The following AARS1 variants were observed in gnomAD, a reference collection of about 807,000 sequenced individuals.
AARS1 encodes alanyl-tRNA synthetase 1.
In AARS1, 72 loss-of-function variants were observed where a neutral mutation model predicts 108.9. That is an observed-to-expected ratio of 0.66 (90% CI 0.55 to 0.80). The LOEUF (loss-of-function observed/expected upper bound fraction) is 0.80. AARS1 is among the 30% of genes least tolerant of loss of function. The pLI, the probability that AARS1 is intolerant of heterozygous loss-of-function variation, is 0.00. For missense variants in AARS1, 1,193 were observed against 1,233.2 expected (o/e 0.97, Z 0.49); for synonymous variants, 489 against 465.7 (o/e 1.05, Z -0.64).
chr16:70,280,055 ATT>A (rs1237522918), intron 2 of AARS1, among the ~76,000 whole-genome samples: 4 of 151,130 alleles, frequency 2.6e-5, no homozygotes, highest in African/African-American at 9.7e-5. Context: ...TAATTTTTCA[ATT>A]TTTCTTTTGC....
At chr16:70,279,675 A>AAC (rs561670755) in intron 2 of AARS1, among the ~76,000 whole-genome samples, 15 of 134,352 alleles carry the variant, frequency 1.1e-4, no homozygotes, top group Admixed American at 2.2e-4. Context: ...AAAAACAAAA[A>AAC]AAAAAAAAAA....
chr16:70,259,742 T>C (rs1384001741), intron 13 of AARS1, among the ~76,000 whole-genome samples: 1 of 151,892 alleles, frequency 6.6e-6, no homozygotes, highest in East Asian at 1.9e-4. Flanking sequence ...CACCTCAGCC[T>C]CCCCAAATGT....
intron 1 of AARS1, among the ~76,000 whole-genome samples, chr16:70,285,128 C>G (rs1268887706): frequency 6.6e-6 from 1 of 151,686 alleles, no homozygotes; most frequent in African/African-American, 2.4e-5. Context: ...ACTCAGAAGG[C>G]TGAGATGGGA....
intron 7 of AARS1, 52 bp downstream of exon 7, chr16:70,269,566 C>T (rs1960347422): frequency 1.9e-6 from 3 of 1,608,670 alleles, no homozygotes; most frequent in Non-Finnish European, 2.5e-6. Flanking sequence ...AAGAGTCACA[C>T]ATAGCACACG....
intron 1 of AARS1, among the ~76,000 whole-genome samples, chr16:70,287,585 T>G (rs1960881925): frequency 6.6e-6 from 1 of 150,652 alleles, no homozygotes. Flanking sequence ...AGGTCAATTT[T>G]TTTTTTAATT....
intron 1 of AARS1, among the ~76,000 whole-genome samples, chr16:70,288,738 TG>T (rs1555543642): frequency 6.6e-6 from 1 of 151,910 alleles, no homozygotes; most frequent in Non-Finnish European, 1.5e-5. Context: ...GGCTAATTTT[TG>T]TATTTTTAGT....
rs113142906 is a variant in AARS1 at position 70,264,731 on chromosome 16, A to ATT, written c.1492+225_1492+226dup. On this transcript the variant is annotated intron_variant, in intron 11 of 20. Transcript: ENST00000261772. Reference sequence around the variant, plus strand: ...AAAGGGTGTGAGACCCTTCCTACAAATTTTTTTTTTTTACAACTTCCTGTG... The same window carrying ATT: ...AAAGGGTGTGAGACCCTTCCTACAAATTTTTTTTTTTTTTACAACTTCCTGTG... Among the ~76,000 whole-genome samples, 546 of 147,814 alleles carry ATT rather than the reference A, an allele frequency of 3.7e-3. 2 individuals carry two copies. The highest frequency in any genetic ancestry group is 0.012 in the African/African-American group (488 of 40,684).
Position 70,262,395 on chromosome 16 carries a change from T to C in AARS1, c.1622A>G (p.Gln541Arg), listed in dbSNP as rs1232971154. The C allele has an allele frequency of 1.2e-6, 2 of 1,614,206 alleles. No individual in the cohort carries two copies. Among genetic ancestry groups the C allele is most frequent in the Admixed American group, 1.7e-5 (1 of 60,022 alleles). ...KTCFYAEQGGQIYDEGYLVKV... is the reference protein window; with the variant it reads ...KTCFYAEQGGRIYDEGYLVKV... Reference sequence around the variant, plus strand: ...CACCAGGTAGCCTTCGTCATAGATCTGGCCTCCTTGCTCAGCATAGAAACA... The same window carrying C: ...CACCAGGTAGCCTTCGTCATAGATCCGGCCTCCTTGCTCAGCATAGAAACA... Residue 541 changes from glutamine to arginine, a missense_variant, in exon 12 of 21, where the codon CAG becomes CGG. Transcript: ENST00000261772.
At chr16:70,256,830 T>C (rs1220192656) in intron 15 of AARS1, among the ~76,000 whole-genome samples, 2 of 152,010 alleles carry the variant, frequency 1.3e-5, no homozygotes, top group African/African-American at 2.4e-5. Flanking sequence ...GAATGTTCTT[T>C]TCAGCCGGGC....
chr16:70,254,432 C>T, intron 17 of AARS1, 189 bp downstream of exon 17: 2 of 632,092 alleles, frequency 3.2e-6, no homozygotes, highest in Non-Finnish European at 5.7e-6. Context: ...CTGGGAGCAG[C>T]AGGGAATGTC....
At chr16:70,267,597 G>C (rs1960292552) in intron 9 of AARS1, 62 bp downstream of exon 9, 2 of 1,599,790 alleles carry the variant, frequency 1.3e-6, no homozygotes, top group Non-Finnish European at 8.6e-7. Flanking sequence ...TGTCAGAAAG[G>C]GCTTGTCTTT....
At chr16:70,253,459 G>T in intron 19 of AARS1, 78 bp from the exon 20 acceptor site, 1 of 1,264,812 alleles carries the variant, frequency 7.9e-7, no homozygotes, top group Non-Finnish European at 1.1e-6. Context: ...GCCCTCAGAA[G>T]GCCTGCCACC....
intron 5 of AARS1, among the ~76,000 whole-genome samples, chr16:70,271,111 G>C (rs1160099391): frequency 1.3e-5 from 2 of 152,040 alleles, no homozygotes; most frequent in Non-Finnish European, 2.9e-5. Flanking sequence ...GCAGGCAAAG[G>C]TTGCAGTGGG....
chr16:70,261,148 ACT>A lies in AARS1; in HGVS notation c.1679_1680del (p.Glu560ValfsTer22), dbSNP rs1438690757. 2.5e-6 allele frequency: 4 copies of A among 1,612,818 alleles called. No individual in the cohort carries two copies. The highest frequency in any genetic ancestry group is 1.1e-5 in the South Asian group (1 of 91,066). On this transcript the variant is annotated frameshift_variant, in exon 13 of 21. Transcript: ENST00000261772. LOFTEE classifies it high-confidence loss of function. ...CGGACCTGAGCATTCTTCACTGTAA[ACT>A]CTGTTTTCTAAGAGGGGTCAAGGAA... ...KVDDSSEDKT[E>X]FTVKNAQVRG...
At chr16:70,261,906 C>A (rs1000717047) in intron 12 of AARS1, among the ~76,000 whole-genome samples, 3 of 151,864 alleles carry the variant, frequency 2.0e-5, no homozygotes, top group Non-Finnish European at 4.4e-5. Flanking sequence ...TGACCTCAGG[C>A]GATCCACCCG....
intron 7 of AARS1, among the ~76,000 whole-genome samples, chr16:70,269,401 G>A (rs1309595773): frequency 6.8e-6 from 1 of 147,120 alleles, no homozygotes; most frequent in Non-Finnish European, 1.5e-5. Flanking sequence ...GCCAGGCGTG[G>A]TGGTGTGCAC....
At position 70,259,043 on chromosome 16, in the gene AARS1, G is replaced by A; in HGVS notation, c.1929C>T (p.Ala643=). 6.2e-7 allele frequency: 1 copy of A among 1,614,150 alleles called. No individual in the cohort carries two copies. Among genetic ancestry groups the A allele is most frequent in the Non-Finnish European group, 8.5e-7 (1 of 1,180,024 alleles). The change falls in exon 14 of 21, where the codon GCC becomes GCT. Residue 643 remains alanine (A), a synonymous_variant. Coordinates refer to ENST00000261772, the MANE Select transcript of AARS1 (RefSeq NM_001605.3). ...CCTTCTTGATCTGTTGGGTGGACAT[G>A]GCTCCCTTGGCAGTAAAGTCAAATC... The part of the protein sequence containing the change: ...RLRFDFTAKG[A]MSTQQIKKAE...
intron 4 of AARS1, among the ~76,000 whole-genome samples, chr16:70,274,388 A>G (rs941288186): frequency 1.3e-5 from 2 of 151,858 alleles, no homozygotes; most frequent in Admixed American, 6.6e-5. Flanking sequence ...TTTCATTTCC[A>G]TAAGAAACAA....
chr16:70,289,345 G>A, intron 1 of AARS1, 76 bp downstream of exon 1: 1 of 353,828 alleles, frequency 2.8e-6, no homozygotes, highest in Non-Finnish European at 5.6e-6. Context: ...GGCCCACTGC[G>A]GCTGCGGAGC....
Sources: allele counts gnomAD v4.1 joint callset (sites outside exome capture counted in the v4.1 genomes callset), GRCh38; gene constraint gnomAD v4.1.1; transcripts MANE v1.5; gene names NCBI Gene and HGNC (gene_info 2026-07-23, HGNC 2026-07-21).